CCDC180: variants seen among roughly 807,000 people sequenced by gnomAD.
CCDC180 encodes coiled-coil domain-containing protein 180.
CCDC180 carries 154 observed loss-of-function variants against 209.2 expected under a neutral mutation model. The ratio of observed to expected loss-of-function variants is 0.74; its 90% confidence interval spans 0.65 to 0.84. CCDC180 has a LOEUF of 0.84. Among genes scored for constraint, CCDC180 ranks in the 40% least tolerant of loss-of-function variants. The pLI, the probability that CCDC180 is intolerant of heterozygous loss-of-function variation, is 0.00. For synonymous variants in CCDC180, 778 were observed against 749.1 expected, an observed-to-expected ratio of 1.04 and a Z score of -0.63; for missense variants, 1,874 against 1,997.3, an observed-to-expected ratio of 0.94 and a Z score of 1.18.
intron 11 of CCDC180, among the ~76,000 whole-genome samples, chr9:97,322,355 T>C (rs1393837080): frequency 6.6e-6 from 1 of 152,190 alleles, no homozygotes; most frequent in East Asian, 1.9e-4. Flanking sequence ...AAACCAGAGT[T>C]GCTTATCCTA....
At chr9:97,374,729 A>G (rs972273309) in intron 35 of CCDC180, 81 bp downstream of exon 35, 16 of 1,130,986 alleles carry the variant, frequency 1.4e-5, no homozygotes, top group Non-Finnish European at 2.1e-5. Flanking sequence ...AGGGGCTTGG[A>G]CTCTGAAGTC....
At chr9:97,365,475 T>C in intron 29 of CCDC180, 198 bp from the exon 30 acceptor site, 1 of 558,630 alleles carries the variant, frequency 1.8e-6, no homozygotes, top group Non-Finnish European at 3.2e-6. Flanking sequence ...CAGGAACAAA[T>C]ACAACCAAGA....
intron 18 of CCDC180, among the ~76,000 whole-genome samples, chr9:97,342,500 G>A (rs771377035): frequency 2.6e-4 from 39 of 152,020 alleles, no homozygotes; most frequent in Non-Finnish European, 4.0e-4. Context: ...GGCTGGTCTC[G>A]AACTCTTGAC....
intron 10 of CCDC180, 26 bp from the exon 11 acceptor site, chr9:97,320,100 C>T (rs747477859): frequency 1.3e-6 from 2 of 1,597,992 alleles, no homozygotes; most frequent in South Asian, 1.1e-5. Context: ...TCCTGTGTGG[C>T]TTACTTGCTG....
Position 97,354,723 on chromosome 9 carries a change from C to T in CCDC180, c.3147+10C>T, listed in dbSNP as rs1453563844. The T allele has an allele frequency of 6.2e-7, 1 of 1,614,144 alleles. No homozygotes were observed. The highest frequency in any genetic ancestry group is 8.5e-7 in the Non-Finnish European group (1 of 1,180,026). ...TGAGTACCTGGACCAGGTAGGGCCC[C>T]CAGCCAGGCCCCAGGCCAACCGGTT... is the stretch of plus-strand genomic sequence containing the variant. On this transcript the variant is annotated intron_variant, in intron 23 of 36. Transcript: ENST00000529487.
intron 35 of CCDC180, among the ~76,000 whole-genome samples, chr9:97,374,907 C>T (rs1827204767): frequency 6.6e-6 from 1 of 152,214 alleles, no homozygotes; most frequent in Non-Finnish European, 1.5e-5. Context: ...TGATAAGGAC[C>T]CACCAAAGGG....
intron 8 of CCDC180, 37 bp from the exon 9 acceptor site, chr9:97,317,028 C>G (rs748055050): frequency 1.3e-6 from 2 of 1,568,058 alleles, no homozygotes; most frequent in African/African-American, 1.3e-5. Context: ...GAGAGAGACC[C>G]TGCCCTGTCT....
chr9:97,334,837 G>T (rs1825853240), intron 18 of CCDC180, among the ~76,000 whole-genome samples: 2 of 152,010 alleles, frequency 1.3e-5, no homozygotes. Context: ...GTTTCAAAGG[G>T]TAGAATTATG....
intron 1 of CCDC180, 55 bp downstream of exon 1, chr9:97,307,861 G>T (rs374283901): frequency 5.0e-6 from 8 of 1,606,616 alleles, no homozygotes; most frequent in African/African-American, 2.7e-5. Flanking sequence ...TTCCCCAGCC[G>T]CCTACCCCCC....
At chr9:97,353,912 C>T (rs546722035) in intron 22 of CCDC180, among the ~76,000 whole-genome samples, 2 of 152,174 alleles carry the variant, frequency 1.3e-5, no homozygotes, top group East Asian at 1.9e-4. Flanking sequence ...AAGACTGAAC[C>T]TCCAAGTCTC....
chr9:97,351,321 T>G (rs1196042597), intron 22 of CCDC180, among the ~76,000 whole-genome samples: 1 of 152,176 alleles, frequency 6.6e-6, no homozygotes, highest in Non-Finnish European at 1.5e-5. Context: ...CGCTTGTACT[T>G]TCTGGTGTTT....
intron 35 of CCDC180, 108 bp from the exon 36 acceptor site, chr9:97,375,346 C>G: frequency 7.1e-7 from 1 of 1,400,790 alleles, no homozygotes; most frequent in Non-Finnish European, 9.9e-7. Context: ...ATATTTAAAG[C>G]CATGATAATT....
chr9:97,328,731 C>T (rs77490276), intron 16 of CCDC180, among the ~76,000 whole-genome samples: 2 of 152,208 alleles, frequency 1.3e-5, no homozygotes, highest in Admixed American at 6.5e-5. Flanking sequence ...CTCATTCAGC[C>T]TGACCCCTCA....
chr9:97,340,101 G>A (rs1448061825), intron 18 of CCDC180, among the ~76,000 whole-genome samples: 1 of 152,090 alleles, frequency 6.6e-6, no homozygotes. Context: ...CATTAGGTTC[G>A]AACATCCTCC....
Position 97,370,641 on chromosome 9 carries a change from G to A in CCDC180, c.4351G>A (p.Asp1451Asn), listed in dbSNP as rs185088968. Residue 1451 changes from aspartate (D) to asparagine (N), a missense_variant and splice_region_variant, in exon 33 of 37, where the codon GAC becomes AAC. Physicochemically the swap from Asp to Asn is conservative, Grantham distance 23. Transcript: ENST00000529487. Reference protein sequence around the residue: ...EQQKRLEKRKDKNAQKLHLNL... With the variant: ...EQQKRLEKRKNKNAQKLHLNL... Reference sequence around the variant, plus strand: ...TGAATTCTGGATTGTTTGATTAAAGGACAAAAATGCCCAGAAGCTCCATCT... The same window carrying A: ...TGAATTCTGGATTGTTTGATTAAAGAACAAAAATGCCCAGAAGCTCCATCT... 1.7e-5 allele frequency: 28 copies of A among 1,613,460 alleles called. No homozygotes were observed. In the East Asian group the frequency reaches 6.0e-4, roughly 35 times the overall value.
At chr9:97,367,222 ATAT>A (rs1386203911) in intron 31 of CCDC180, among the ~76,000 whole-genome samples, 1 of 152,158 alleles carries the variant, frequency 6.6e-6, no homozygotes, top group Non-Finnish European at 1.5e-5. Flanking sequence ...ATTTTGCATA[ATAT>A]TTCAAGGTTT....
chr9:97,371,699 G>T lies in CCDC180; in HGVS notation c.4593G>T (p.Gln1531His). The T allele has an allele frequency of 1.3e-6, 2 of 1,590,410 alleles. No individual in the cohort carries two copies. Among genetic ancestry groups the T allele is most frequent in the East Asian group, 4.5e-5 (2 of 44,334 alleles). Residue 1531 changes from glutamine (Q) to histidine (H), a missense_variant, in exon 34 of 37, where the codon CAG becomes CAT. Coordinates refer to ENST00000529487, the MANE Select transcript of CCDC180 (RefSeq NM_020893.6). The stretch of plus-strand genomic sequence containing the variant: ...AGGTGGTCACCATTGACGATGTCCA[G>T]GTTGCAAGTAAGAGGCACCACCAGC... Reference protein sequence around the residue: ...LDEVVTIDDVQVARMEPPKQK... With the variant: ...LDEVVTIDDVHVARMEPPKQK...
chr9:97,375,779 G>A (rs1441413762), intron 36 of CCDC180, 190 bp downstream of exon 36: 6 of 673,334 alleles, frequency 8.9e-6, no homozygotes, highest in Admixed American at 5.7e-5. Context: ...GGACATTAAT[G>A]TGGGTCTGAG....
chr9:97,318,406 T>C, intron 9 of CCDC180, 57 bp from the exon 10 acceptor site: 3 of 1,593,446 alleles, frequency 1.9e-6, no homozygotes, highest in East Asian at 2.3e-5. Flanking sequence ...TTTCCCTCTC[T>C]CACTCCTGCC....
Sources: gnomAD v4.1 joint callset for allele counts (sites outside exome capture counted in the v4.1 genomes callset) on GRCh38, gnomAD v4.1.1 for gene constraint, MANE v1.5 for transcripts, NCBI Gene and HGNC (gene_info 2026-07-23, HGNC 2026-07-21) for gene names.